TMX4: variants seen among roughly 807,000 people sequenced by gnomAD.
TMX4 encodes the protein thioredoxin-related transmembrane protein 4.
Under a neutral mutation model 33.3 loss-of-function variants are expected in TMX4, and 23 were observed. That is an observed-to-expected ratio of 0.69 (90% confidence interval 0.50 to 0.98). The LOEUF (loss-of-function observed/expected upper bound fraction) is 0.98, where lower values mean the gene tolerates loss of function less well. Among genes scored for constraint, TMX4 ranks in the 50% least tolerant of loss-of-function variants. TMX4 has a pLI of 0.00. For missense variants in TMX4, 399 were observed against 448.9 expected (o/e 0.89, Z 1.01); for synonymous variants, 164 against 161.5 (o/e 1.02, Z -0.12).
intron 2 of TMX4, among the ~76,000 whole-genome samples, chr20:8,008,533 A>G (rs6140494): frequency 0.16 from 24,128 of 151,172 alleles, 2,985 homozygotes; most frequent in East Asian, 0.53. Context: ...AGGAAAGACT[A>G]TATTTAATTA....
intron 2 of TMX4, among the ~76,000 whole-genome samples, chr20:8,007,974 T>C (rs952502466): frequency 2.6e-5 from 4 of 152,258 alleles, no homozygotes; most frequent in African/African-American, 9.6e-5. Flanking sequence ...GCAAGGCCTC[T>C]GTCCTCCTTA....
intron 1 of TMX4, chr20:8,018,997 G>C (rs982306413): frequency 2.2e-6 from 1 of 449,602 alleles, no homozygotes. Flanking sequence ...TACTGCACGT[G>C]GATGTCACTG....
At chr20:8,007,822 T>A (rs1000337228) in intron 2 of TMX4, among the ~76,000 whole-genome samples, 1 of 152,234 alleles carries the variant, frequency 6.6e-6, no homozygotes, top group African/African-American at 2.4e-5. Context: ...TCCCTGGCCA[T>A]CCTAACTTAA....
intron 1 of TMX4, among the ~76,000 whole-genome samples, chr20:8,011,450 G>A (rs893731926): frequency 3.2e-4 from 49 of 151,718 alleles, no homozygotes; most frequent in African/African-American, 1.1e-3. Context: ...TCTGAACTGT[G>A]CAAAAGCATG....
Position 8,010,237 on chromosome 20 carries a change from C to T in TMX4, c.255G>A (p.Gln85=). 6.2e-7 allele frequency: 1 copy of T among 1,611,986 alleles called. No individual in the cohort carries two copies. ...EAFAKNGEIL[Q]ISVGKVDVIQ... is the part of the protein sequence containing the mutation. ...TGACATCTACCTTCCCCACACTGATCTGAAGTATTTCACCATTCTTTGCAA... is the reference window on the plus strand; with the variant it reads ...TGACATCTACCTTCCCCACACTGATTTGAAGTATTTCACCATTCTTTGCAA... The change falls in exon 2 of 8, where the codon CAG becomes CAA. Residue 85 remains glutamine, a synonymous_variant. Coordinates refer to ENST00000246024, the MANE Select transcript of TMX4 (RefSeq NM_021156.4).
At chr20:8,007,003 T>C (rs1408700784) in intron 2 of TMX4, among the ~76,000 whole-genome samples, 1 of 152,122 alleles carries the variant, frequency 6.6e-6, no homozygotes, top group Non-Finnish European at 1.5e-5. Flanking sequence ...CTGACCTAAG[T>C]TGATCCGCTC....
rs1007518002 is a variant in TMX4 at position 7,982,044 on chromosome 20, G to A, written c.*207C>T. 8 of 568,720 alleles carry A rather than the reference G, an allele frequency of 1.4e-5. No individual in the cohort carries two copies. The highest frequency in any genetic ancestry group is 2.4e-5 in the South Asian group (1 of 42,356). The allele number at this position is 568,720 out of a possible 1,614,324, so 35.2% of individuals were successfully genotyped here. A position where few individuals can be genotyped will look rare whatever the true frequency, so the allele number is the denominator to read the frequency against. On this transcript the variant is annotated 3_prime_UTR_variant, in exon 8 of 8. Coordinates refer to ENST00000246024, the MANE Select transcript of TMX4 (RefSeq NM_021156.4). ...GTCTCCAAACAGATCCCAACACTAC[G>A]TTTGTTTTTCTATATCCTGATTGTC...
At chr20:8,004,707 C>A (rs1479141028) in intron 2 of TMX4, among the ~76,000 whole-genome samples, 1 of 152,090 alleles carries the variant, frequency 6.6e-6, no homozygotes, top group Non-Finnish European at 1.5e-5. Flanking sequence ...CAAAACACAA[C>A]AGAAATTATT....
At chr20:7,988,820 C>T (rs976864405) in intron 5 of TMX4, among the ~76,000 whole-genome samples, 22 of 152,026 alleles carry the variant, frequency 1.4e-4, no homozygotes, top group African/African-American at 4.1e-4. Context: ...GTCAGGAGTT[C>T]GAGACCAGCC....
At chr20:8,010,975 T>G (rs2050750592) in intron 1 of TMX4, among the ~76,000 whole-genome samples, 1 of 152,096 alleles carries the variant, frequency 6.6e-6, no homozygotes, top group Admixed American at 6.6e-5. Flanking sequence ...AGGCTACAAT[T>G]GTGAAGGAGA....
intron 3 of TMX4, among the ~76,000 whole-genome samples, chr20:8,000,786 T>C (rs576549327): frequency 6.6e-6 from 1 of 152,338 alleles, no homozygotes; most frequent in Non-Finnish European, 1.5e-5. Context: ...GATCCTGACA[T>C]CAAACTGTAC....
chr20:8,019,215 C>T (rs1003191877), intron 1 of TMX4: 1 of 544,562 alleles, frequency 1.8e-6, no homozygotes, highest in Non-Finnish European at 3.1e-6. Context: ...GCCCCACAGC[C>T]GCAGGTCGTT....
intron 5 of TMX4, among the ~76,000 whole-genome samples, chr20:7,995,751 A>C (rs984434536): frequency 2.0e-5 from 3 of 151,940 alleles, no homozygotes; most frequent in Non-Finnish European, 4.4e-5. Context: ...AAGATAAAGT[A>C]AAATCACATA....
chr20:8,018,810 AGTAT>A (rs946732834), intron 1 of TMX4: 1 of 236,704 alleles, frequency 4.2e-6, no homozygotes, highest in Non-Finnish European at 8.5e-6. Flanking sequence ...AGTTATAATA[AGTAT>A]CAACATTTAT....
At chr20:8,004,883 C>G (rs6140492) in intron 2 of TMX4, among the ~76,000 whole-genome samples, 24,130 of 151,992 alleles carry the variant, frequency 0.16, 3,153 homozygotes, top group East Asian at 0.53. Flanking sequence ...TGTTATGAAG[C>G]TAAAATGCAT....
intron 6 of TMX4, 129 bp downstream of exon 6, chr20:7,987,159 A>G: frequency 1.5e-6 from 1 of 654,410 alleles, no homozygotes; most frequent in Non-Finnish European, 2.6e-6. Context: ...AAACAAGCAA[A>G]TGCTATTTAA....
At chr20:7,982,861 G>A (rs1194204548) in intron 7 of TMX4, among the ~76,000 whole-genome samples, 1 of 152,166 alleles carries the variant, frequency 6.6e-6, no homozygotes, top group African/African-American at 2.4e-5. Flanking sequence ...GGCAGCAAGG[G>A]CAAAGGGTCC....
intron 5 of TMX4, among the ~76,000 whole-genome samples, chr20:7,990,082 G>T (rs1000701261): frequency 1.3e-5 from 2 of 152,134 alleles, no homozygotes; most frequent in Non-Finnish European, 2.9e-5. Flanking sequence ...GAATCACGAG[G>T]TCAGGAGTTC....
intron 1 of TMX4, 21 bp downstream of exon 1, chr20:8,019,417 G>A (rs557254267): frequency 2.6e-6 from 4 of 1,511,654 alleles, no homozygotes; most frequent in African/African-American, 2.9e-5. Flanking sequence ...TGCGGCGTCC[G>A]GGGCGGGCGG....
Sources: allele counts gnomAD v4.1 joint callset (sites outside exome capture counted in the v4.1 genomes callset), GRCh38; gene constraint gnomAD v4.1.1; transcripts MANE v1.5; gene names NCBI Gene and HGNC (gene_info 2026-07-23, HGNC 2026-07-21).